The following ABCC1 variants were observed in gnomAD, a reference collection of about 807,000 sequenced individuals.
ABCC1 encodes ATP binding cassette subfamily C member 1 (ABCC1 blood group).
In ABCC1, 83 loss-of-function variants were observed where a neutral mutation model predicts 172.9. The ratio of observed to expected loss-of-function variants is 0.48; its 90% CI spans 0.40 to 0.58. ABCC1 has a LOEUF of 0.58. Among genes scored for constraint, ABCC1 ranks in the 20% least tolerant of loss-of-function variants. ABCC1 has a pLI of 0.00. For synonymous variants in ABCC1, 937 were observed against 825.2 expected (o/e 1.14, Z -2.32); for missense variants, 1,817 against 2,002.7 (o/e 0.91, Z 1.77).
intron 24 of ABCC1, 40 bp downstream of exon 24, chr16:16,122,214 G>T (rs370532485): frequency 3.7e-6 from 6 of 1,600,272 alleles, no homozygotes; most frequent in East Asian, 2.2e-5. Context: ...GGAGGAGGCC[G>T]CCTTAGCACC....
At chr16:15,952,461 G>A (rs981091641) in intron 1 of ABCC1, among the ~76,000 whole-genome samples, 3 of 151,938 alleles carry the variant, frequency 2.0e-5, no homozygotes, top group Non-Finnish European at 2.9e-5. Context: ...CCTCTGAGCC[G>A]CAGGAAATGT....
intron 9 of ABCC1, among the ~76,000 whole-genome samples, chr16:16,047,822 C>T (rs190655387): frequency 6.7e-6 from 1 of 150,070 alleles, no homozygotes; most frequent in Non-Finnish European, 1.5e-5. Flanking sequence ...AACAACTCCC[C>T]CCACCCCCCA....
At chr16:15,990,816 ATTTT>A (rs57111358) in intron 1 of ABCC1, among the ~76,000 whole-genome samples, 6 of 118,206 alleles carry the variant, frequency 5.1e-5, no homozygotes, top group Non-Finnish European at 7.0e-5. Flanking sequence ...CGCCCGGCTA[ATTTT>A]TTTTTTTTTT....
At chr16:16,024,406 C>T (rs566781697) in intron 5 of ABCC1, among the ~76,000 whole-genome samples, 9 of 152,110 alleles carry the variant, frequency 5.9e-5, no homozygotes, top group South Asian at 2.1e-4. Flanking sequence ...GGTTGGAGTG[C>T]GGTGGTGCCA....
intron 11 of ABCC1, among the ~76,000 whole-genome samples, chr16:16,054,089 C>T (rs144063169): frequency 0.054 from 8,260 of 151,984 alleles, 260 homozygotes; most frequent in Middle Eastern, 0.13. Flanking sequence ...GTTCTCCTGC[C>T]TCAGCCTCCC....
chr16:16,035,924 G>A (rs1212270874), intron 6 of ABCC1, among the ~76,000 whole-genome samples: 1 of 151,350 alleles, frequency 6.6e-6, no homozygotes, highest in African/African-American at 2.4e-5. Context: ...GACCAGCTTG[G>A]GCAACATAGG....
intron 22 of ABCC1, among the ~76,000 whole-genome samples, chr16:16,113,912 A>G (rs1037592534): frequency 6.6e-6 from 1 of 152,130 alleles, no homozygotes; most frequent in African/African-American, 2.4e-5. Context: ...CACGGTTCAC[A>G]ATAGGGTTCG....
Position 16,136,461 on chromosome 16 carries a change from C to T in ABCC1, c.4126-17C>T, listed in dbSNP as rs764276646. The stretch of plus-strand genomic sequence containing the variant: ...ACACAGGTGTCACATGCCGTCCACT[C>T]TCTTCTCTCTGAACAGGACCCTGTT... On this transcript the variant is annotated splice_polypyrimidine_tract_variant and intron_variant, in intron 28 of 30. Transcript: ENST00000399410. 6.2e-7 allele frequency: 1 copy of T among 1,613,434 alleles called. No homozygotes were observed. The highest frequency in any genetic ancestry group is 8.5e-7 in the Non-Finnish European group (1 of 1,179,524).
rs754833935 is a variant in ABCC1 at position 16,136,475 on chromosome 16, C to A, written c.4126-3C>A. The A allele has an allele frequency of 1.9e-6, 3 of 1,614,082 alleles. No homozygotes were observed. Among genetic ancestry groups the A allele is most frequent in the Non-Finnish European group, 2.5e-6 (3 of 1,179,984 alleles). On this transcript the variant is annotated splice_region_variant and splice_polypyrimidine_tract_variant and intron_variant, in intron 28 of 30. Transcript: ENST00000399410. ...TGCCGTCCACTCTCTTCTCTCTGAA[C>A]AGGACCCTGTTTTGTTTTCGGGTTC... is the stretch of plus-strand genomic sequence containing the variant.
intron 22 of ABCC1, 33 bp downstream of exon 22, chr16:16,111,615 TG>T (rs1166621307): frequency 6.3e-7 from 1 of 1,585,194 alleles, no homozygotes; most frequent in Admixed American, 1.8e-5. Flanking sequence ...CCGCCTGATT[TG>T]GGCCCCTGTT....
intron 23 of ABCC1, among the ~76,000 whole-genome samples, chr16:16,116,759 C>T (rs2044892054): frequency 6.6e-6 from 1 of 152,060 alleles, no homozygotes; most frequent in African/African-American, 2.4e-5. Context: ...GAGGTTTCAC[C>T]ATGTTGGCCA....
At chr16:16,024,455 G>A (rs368322533) in intron 5 of ABCC1, among the ~76,000 whole-genome samples, 2 of 152,124 alleles carry the variant, frequency 1.3e-5, no homozygotes, top group Non-Finnish European at 2.9e-5. Flanking sequence ...GGGCTCAAGC[G>A]ATCCTCCCAC....
In ABCC1 at chr16:16,131,918, A is replaced by G; in HGVS notation, c.3949A>G (p.Ile1317Val). The change falls in exon 27 of 31, where the codon ATC becomes GTC. Residue 1317 changes from isoleucine (I) to valine (V), a missense_variant. Transcript: ENST00000399410. ...CGTTCTCAGGCACATCAATGTCACG[A>G]TCAATGGGGGAGAAAAGGTGGGTAC... is the stretch of plus-strand genomic sequence containing the variant. ...DFVLRHINVT[I>V]NGGEKVGIVG... 6.2e-7 allele frequency: 1 copy of G among 1,613,900 alleles called. No individual in the cohort carries two copies.
chr16:16,102,464 C>T (rs1567405276), intron 19 of ABCC1, among the ~76,000 whole-genome samples, 163 bp from the exon 20 acceptor site: 1 of 152,234 alleles, frequency 6.6e-6, no homozygotes, highest in Non-Finnish European at 1.5e-5. Flanking sequence ...CACAACCAGA[C>T]AGCCTGTTCA....
At chr16:15,970,319 A>G (rs1489446712) in intron 1 of ABCC1, among the ~76,000 whole-genome samples, 1 of 152,172 alleles carries the variant, frequency 6.6e-6, no homozygotes, top group African/African-American at 2.4e-5. Flanking sequence ...TAAGGGCACA[A>G]CCTGGAGGTT....
rs374986475 is a variant in ABCC1 at position 16,122,103 on chromosome 16, C to T, written c.3519C>T (p.Arg1173=). 2.2e-4 allele frequency: 361 copies of T among 1,614,190 alleles called. No homozygotes were observed. The African/African-American group carries it at 4.2e-3, about 19-fold the overall frequency. Residue 1173 remains arginine (R), a synonymous_variant, in exon 24 of 31, where the codon CGC becomes CGT. Coordinates refer to ENST00000399410, the MANE Select transcript of ABCC1 (RefSeq NM_004996.4). ...TTCGAGCCTTCGAGGAGCAGGAGCG[C>T]TTCATCCACCAGAGTGACCTGAAGG... is the stretch of plus-strand genomic sequence containing the variant. ...SVIRAFEEQE[R]FIHQSDLKVD... is the part of the protein sequence containing the mutation.
chr16:16,033,790 CTTTTTGTA>C, intron 6 of ABCC1, among the ~76,000 whole-genome samples: 1 of 151,824 alleles, frequency 6.6e-6, no homozygotes, highest in South Asian at 2.1e-4. Flanking sequence ...TGCCCGGCTA[CTTTTTGTA>C]TTTTTAGTAG....
intron 21 of ABCC1, among the ~76,000 whole-genome samples, chr16:16,107,201 T>A (rs1315109005): frequency 1.3e-5 from 2 of 152,332 alleles, no homozygotes; most frequent in African/African-American, 4.8e-5. Flanking sequence ...CAGGGCTTCC[T>A]GCAACGTGGG....
chr16:15,952,924 C>T (rs901444636), intron 1 of ABCC1, among the ~76,000 whole-genome samples: 2 of 150,920 alleles, frequency 1.3e-5, no homozygotes, highest in Non-Finnish European at 2.9e-5. Context: ...CCTGTGGTCC[C>T]GGCTACTAGG....
Sources: gnomAD v4.1 joint callset for allele counts (sites outside exome capture counted in the v4.1 genomes callset) on GRCh38, gnomAD v4.1.1 for gene constraint, MANE v1.5 for transcripts, NCBI Gene and HGNC (gene_info 2026-07-23, HGNC 2026-07-21) for gene names.